Variants in SH2D3A observed in about 807,000 individuals in gnomAD.
The protein encoded by SH2D3A is SH2 domain containing 3A.
Under a neutral mutation model 50.6 loss-of-function variants are expected in SH2D3A, and 46 were observed. That is an observed-to-expected ratio of 0.91 (90% confidence interval 0.72 to 1.16). The LOEUF is 1.16. Ranked by LOEUF, SH2D3A falls within the 50% of genes most tolerant of loss-of-function variation. The pLI, the probability that SH2D3A is intolerant of heterozygous loss-of-function variation, is 0.00. For synonymous variants in SH2D3A, 377 were observed against 348.4 expected (o/e 1.08, Z -0.91); for missense variants, 783 against 786.2 (o/e 1.00, Z 0.05).
chr19:6,761,898 G>A (rs866934851), intron 2 of SH2D3A, among the ~76,000 whole-genome samples: 2 of 149,900 alleles, frequency 1.3e-5, no homozygotes, highest in Admixed American at 6.7e-5. Flanking sequence ...GCAGTGAGCC[G>A]AGATGGAGCC....
intron 9 of SH2D3A, 99 bp downstream of exon 9, chr19:6,753,357 C>A: frequency 7.1e-7 from 1 of 1,399,670 alleles, no homozygotes; most frequent in Non-Finnish European, 9.3e-7. Context: ...GGAGGCGTGG[C>A]GAGAGGCTCC....
intron 2 of SH2D3A, 179 bp from the exon 3 acceptor site, chr19:6,761,166 C>T (rs7257763): frequency 0.22 from 133,723 of 597,126 alleles, 16,278 homozygotes; most frequent in African/African-American, 0.36. Context: ...CTGGCACCTA[C>T]GTAGACTACA....
chr19:6,757,987 C>A (rs918831174), intron 4 of SH2D3A: 2 of 152,052 alleles, frequency 1.3e-5, no homozygotes, highest in African/African-American at 4.8e-5. Flanking sequence ...TTGCAATATA[C>A]ATCTCCATCT....
At chr19:6,766,225 A>C (rs575978271) in intron 1 of SH2D3A, among the ~76,000 whole-genome samples, 1 of 152,302 alleles carries the variant, frequency 6.6e-6, no homozygotes, top group South Asian at 2.1e-4. Flanking sequence ...TGTCACCTGG[A>C]CCAGGGCTAG....
At position 6,760,677 on chromosome 19, in the gene SH2D3A, T is replaced by C; in HGVS notation, c.380A>G (p.Asp127Gly). 6.2e-7 allele frequency: 1 copy of C among 1,606,844 alleles called. No homozygotes were observed. The highest frequency in any genetic ancestry group is 1.1e-5 in the South Asian group (1 of 90,446). Residue 127 changes from aspartate to glycine, a missense_variant, in exon 3 of 10, where the codon GAC becomes GGC. Transcript: ENST00000245908. ...QGPLRRSFSE[D>G]TLMDGPARIE... is the part of the protein sequence containing the mutation. ...CCGAGCTGGGCCATCCATCAGGGTG[T>C]CCTCGCTAAAGCTGCGTCGCAGAGG...
At chr19:6,766,869 A>G (rs1310921348) in intron 1 of SH2D3A, among the ~76,000 whole-genome samples, 1 of 152,210 alleles carries the variant, frequency 6.6e-6, no homozygotes, top group Non-Finnish European at 1.5e-5. Flanking sequence ...ACCTCAGTAC[A>G]GAAGGAGGCA....
rs189948888 is a variant in SH2D3A, at chr19:6,765,459, C to T, written c.-68-1643G>A. 8.2e-4 allele frequency among the ~76,000 whole-genome samples: 124 copies of T among 152,124 alleles called. 1 individual carries two copies. The highest frequency in any genetic ancestry group is 2.8e-3 in the African/African-American group (117 of 41,498). On this transcript the variant is annotated intron_variant, in intron 1 of 9. Coordinates refer to ENST00000245908, the MANE Select transcript of SH2D3A (RefSeq NM_005490.3). Reference sequence around the variant, plus strand: ...CCCTATTCTTTGCTTTAGAATGCAACGCTGGGGGCCAGGCGCGGTGGCTCA... The same window carrying T: ...CCCTATTCTTTGCTTTAGAATGCAATGCTGGGGGCCAGGCGCGGTGGCTCA...
chr19:6,753,974 T>C (rs2145573556), intron 8 of SH2D3A, 78 bp downstream of exon 8: 2 of 1,450,846 alleles, frequency 1.4e-6, no homozygotes, highest in East Asian at 2.4e-5. Context: ...ATGCAGGGAC[T>C]GGGCATAGGA....
chr19:6,753,577 G>C lies in SH2D3A; in HGVS notation c.1449C>G (p.Gly483=). 6.3e-7 allele frequency: 1 copy of C among 1,584,130 alleles called. No individual in the cohort carries two copies. Among genetic ancestry groups the C allele is most frequent in the Non-Finnish European group, 8.6e-7 (1 of 1,166,156 alleles). The change falls in exon 9 of 10, where the codon GGC becomes GGG. Residue 483 remains glycine (G), a synonymous_variant. Transcript: ENST00000245908. The part of the protein sequence containing the change: ...HVAPMVRLLE[G]EEVAGPLDES... ...CGTCCAGCGGCCCCGCGACTTCCTC[G>C]CCCTCCAGTAGGCGAACCATGGGTG...
At position 6,754,945 on chromosome 19, in the gene SH2D3A, C is replaced by T. The variant is rs756600083; in HGVS notation, c.867G>A (p.Leu289=). Residue 289 remains leucine, a synonymous_variant, in exon 5 of 10, where the codon CTG becomes CTA. Coordinates refer to ENST00000245908, the MANE Select transcript of SH2D3A (RefSeq NM_005490.3). ...CCAGGGGCCGATTCTGGGGGCCCAG[C>T]AGGCAGGAGGGGGCATCATGGGGGC... The part of the protein sequence containing the change: ...SFCPHDAPSC[L]LGPQNRPLEP... 6.2e-7 allele frequency: 1 copy of T among 1,613,574 alleles called. No individual in the cohort carries two copies. Among genetic ancestry groups the T allele is most frequent in the Non-Finnish European group, 8.5e-7 (1 of 1,179,702 alleles).
intron 1 of SH2D3A, among the ~76,000 whole-genome samples, chr19:6,764,807 G>A (rs1392646724): frequency 1.3e-5 from 2 of 151,498 alleles, no homozygotes; most frequent in African/African-American, 4.9e-5. Context: ...CTGGGCTCAA[G>A]TGATTCTCCC....
At chr19:6,761,968 AAAAAAAAAC>A (rs1970045796) in intron 2 of SH2D3A, among the ~76,000 whole-genome samples, 10 of 141,542 alleles carry the variant, frequency 7.1e-5, no homozygotes, top group African/African-American at 2.7e-4. Context: ...AAAAAAACAA[AAAAAAAAAC>A]AAAAAAAAGG....
chr19:6,762,628 T>C (rs1030613323), intron 2 of SH2D3A, among the ~76,000 whole-genome samples: 31 of 145,802 alleles, frequency 2.1e-4, no homozygotes, highest in Non-Finnish European at 3.4e-4. Flanking sequence ...CATCTCAGCC[T>C]CCTGAGTAGT....
At chr19:6,762,390 G>T (rs941123935) in intron 2 of SH2D3A, among the ~76,000 whole-genome samples, 2 of 151,670 alleles carry the variant, frequency 1.3e-5, no homozygotes, top group Non-Finnish European at 2.9e-5. Context: ...TCATCATATA[G>T]GTCAGGCTGG....
chr19:6,761,834 A>AC (rs1970033610), intron 2 of SH2D3A, among the ~76,000 whole-genome samples: 1 of 152,042 alleles, frequency 6.6e-6, no homozygotes, highest in Non-Finnish European at 1.5e-5. Flanking sequence ...CTGTCATTCC[A>AC]GCTACTCAGG....
chr19:6,753,949 C>T, intron 8 of SH2D3A, 103 bp downstream of exon 8: 6 of 1,363,264 alleles, frequency 4.4e-6, no homozygotes, highest in Non-Finnish European at 4.9e-6. Flanking sequence ...GGTGAAGGGA[C>T]CGGGCCTAGA....
chr19:6,755,338 C>G, intron 4 of SH2D3A, 23 bp from the exon 5 acceptor site: 1 of 1,463,126 alleles, frequency 6.8e-7, no homozygotes, highest in Non-Finnish European at 9.1e-7. Flanking sequence ...CAAGAGGGGT[C>G]AATGGGAATA....
intron 9 of SH2D3A, 84 bp downstream of exon 9, chr19:6,753,372 C>T: frequency 7.1e-7 from 1 of 1,405,850 alleles, no homozygotes; most frequent in Non-Finnish European, 9.2e-7. Context: ...GGCTCCCCTC[C>T]TGGGACAGGC....
intron 9 of SH2D3A, 133 bp from the exon 10 acceptor site, chr19:6,752,886 G>A: frequency 7.1e-7 from 1 of 1,409,108 alleles, no homozygotes; most frequent in African/African-American, 1.4e-5. Flanking sequence ...CCCACCTGCG[G>A]GATGACTAGG....
Sources: allele counts gnomAD v4.1 joint callset (sites outside exome capture counted in the v4.1 genomes callset), GRCh38; gene constraint gnomAD v4.1.1; transcripts MANE v1.5; gene names NCBI Gene and HGNC (gene_info 2026-07-23, HGNC 2026-07-21).